Variants in SHANK2 observed in about 807,000 individuals in gnomAD.
The protein encoded by SHANK2 is SH3 and multiple ankyrin repeat domains protein 2.
In SHANK2, 43 loss-of-function variants were observed where a neutral mutation model predicts 133.7. The observed-to-expected ratio is 0.32, with a 90% CI of 0.25 to 0.41. The LOEUF is 0.41. Among genes scored for constraint, SHANK2 ranks in the 10% least tolerant of loss-of-function variants. SHANK2 has a pLI of 1.00. For missense variants in SHANK2, 1,994 were observed against 2,235.8 expected (o/e 0.89, Z 2.18); for synonymous variants, 1,017 against 952.8 (o/e 1.07, Z -1.24).
At chr11:70,649,633 G>A (rs145222488) in intron 17 of SHANK2, among the ~76,000 whole-genome samples, 1,766 of 152,204 alleles carry the variant, frequency 0.012, 14 homozygotes, top group Non-Finnish European at 0.019. Flanking sequence ...GGCAGTGGGT[G>A]TATGGGAGGG....
chr11:71,135,618 G>C (rs1287657407), intron 3 of SHANK2, among the ~76,000 whole-genome samples: 3 of 151,530 alleles, frequency 2.0e-5, no homozygotes, highest in Non-Finnish European at 4.4e-5. Context: ...ACCACACCCA[G>C]GTAATGTTTG....
At chr11:71,249,435 C>T (rs1948140647) in intron 1 of SHANK2, among the ~76,000 whole-genome samples, 2 of 152,174 alleles carry the variant, frequency 1.3e-5, no homozygotes, top group South Asian at 4.1e-4. Context: ...AGAGGCTGTG[C>T]GCGTCCATTT....
At chr11:70,627,538 C>T (rs1555000357) in intron 17 of SHANK2, among the ~76,000 whole-genome samples, 1 of 152,210 alleles carries the variant, frequency 6.6e-6, no homozygotes, top group African/African-American at 2.4e-5. Flanking sequence ...GGTCAGGTGG[C>T]TACAGCAGAA....
At chr11:70,627,565 C>T (rs1301943076) in intron 17 of SHANK2, among the ~76,000 whole-genome samples, 4 of 152,202 alleles carry the variant, frequency 2.6e-5, no homozygotes, top group African/African-American at 9.7e-5. Flanking sequence ...TTATCCTAAA[C>T]GCTTGGACTA....
intron 10 of SHANK2, among the ~76,000 whole-genome samples, chr11:70,903,839 G>A (rs142595087): frequency 7.2e-5 from 11 of 152,262 alleles, no homozygotes; most frequent in Middle Eastern, 3.4e-3. Context: ...GCAAAGCCCC[G>A]CAAAGCTGGT....
intron 1 of SHANK2, among the ~76,000 whole-genome samples, chr11:71,238,352 C>T (rs146074655): frequency 7.3e-4 from 111 of 152,324 alleles, no homozygotes; most frequent in African/African-American, 2.4e-3. Flanking sequence ...GTTGGCGGTA[C>T]GTGGATGCTT....
At chr11:70,778,088 C>T (rs891575358) in intron 14 of SHANK2, among the ~76,000 whole-genome samples, 6 of 152,174 alleles carry the variant, frequency 3.9e-5, no homozygotes, top group African/African-American at 1.4e-4. Flanking sequence ...ACATTACTGT[C>T]AATGCCAACA....
intron 11 of SHANK2, among the ~76,000 whole-genome samples, chr11:70,889,712 G>A (rs781956681): frequency 1.6e-4 from 24 of 152,214 alleles, no homozygotes; most frequent in Middle Eastern, 3.2e-3. Context: ...CATACAGGCC[G>A]CTGGGCAGCG....
chr11:70,746,605 C>T (rs1231743006), intron 14 of SHANK2, among the ~76,000 whole-genome samples: 2 of 152,172 alleles, frequency 1.3e-5, no homozygotes, highest in Non-Finnish European at 2.9e-5. Context: ...ATGCAGGGTG[C>T]CCCGTGCTCA....
intron 1 of SHANK2, among the ~76,000 whole-genome samples, chr11:71,241,870 G>A (rs557850931): frequency 2.0e-5 from 3 of 152,322 alleles, no homozygotes; most frequent in South Asian, 2.1e-4. Flanking sequence ...AAGACCAGAC[G>A]GGCCTGGGGC....
chr11:70,827,638 GTTTT>G (rs797024799), intron 11 of SHANK2, among the ~76,000 whole-genome samples: 1 of 108,216 alleles, frequency 9.2e-6, no homozygotes, highest in Non-Finnish European at 1.8e-5. Flanking sequence ...GTGTGTGTGT[GTTTT>G]TTTTTTTTTT....
chr11:70,838,059 A>G (rs2135420449), intron 11 of SHANK2, among the ~76,000 whole-genome samples: 1 of 151,886 alleles, frequency 6.6e-6, no homozygotes, highest in South Asian at 2.1e-4. Context: ...AATAAAAGGA[A>G]GGCACGTTCC....
At chr11:70,582,279 C>T (rs913926793) in intron 17 of SHANK2, among the ~76,000 whole-genome samples, 6 of 152,264 alleles carry the variant, frequency 3.9e-5, no homozygotes, top group Non-Finnish European at 7.3e-5. Flanking sequence ...TGTCCCCACA[C>T]ATCCGGGGCC....
Position 71,094,678 on chromosome 11 carries a change from CA to C in SHANK2, c.602del (p.Leu201ArgfsTer3), listed in dbSNP as rs782685777. The stretch of plus-strand genomic sequence containing the variant: ...AGTCGTCCAGCTGAGCGGCTAAGGT[CA>C]GGGGGGTCTCTGAGGAACCCAAACA... ...FHDPETGETP[L>X]TLAAQLDDSV... On this transcript the variant is annotated frameshift_variant, in exon 7 of 26. Coordinates refer to ENST00000601538, the MANE Select transcript of SHANK2 (RefSeq NM_012309.5). LOFTEE classifies it high-confidence loss of function. 1.3e-6 allele frequency: 2 copies of C among 1,551,736 alleles called. No homozygotes were observed. Among genetic ancestry groups the C allele is most frequent in the South Asian group, 1.2e-5 (1 of 84,042 alleles).
chr11:71,073,554 ACCCCCAGGG>A (rs1409799829), intron 9 of SHANK2, among the ~76,000 whole-genome samples: 1 of 147,998 alleles, frequency 6.8e-6, no homozygotes, highest in African/African-American at 2.5e-5. Context: ...GTAGCCTTAA[ACCCCCAGGG>A]CTCAAGTGAT....
At chr11:70,810,959 C>T (rs567005671) in intron 12 of SHANK2, among the ~76,000 whole-genome samples, 1 of 152,276 alleles carries the variant, frequency 6.6e-6, no homozygotes, top group African/African-American at 2.4e-5. Context: ...CATTAGGCCC[C>T]ATCAGGACTG....
chr11:70,955,590 G>C (rs1181206592), intron 10 of SHANK2, among the ~76,000 whole-genome samples: 1 of 152,104 alleles, frequency 6.6e-6, no homozygotes, highest in Non-Finnish European at 1.5e-5. Context: ...TATTTTAAGG[G>C]ATTGGTTTAA....
intron 17 of SHANK2, among the ~76,000 whole-genome samples, chr11:70,564,506 C>T (rs1554981490): frequency 2.0e-5 from 3 of 151,958 alleles, no homozygotes; most frequent in Non-Finnish European, 4.4e-5. Flanking sequence ...CTGATCTGCC[C>T]GCCTCAGCCT....
At chr11:70,784,556 C>T (rs1345870891) in intron 14 of SHANK2, among the ~76,000 whole-genome samples, 21 of 152,048 alleles carry the variant, frequency 1.4e-4, no homozygotes, top group Admixed American at 1.1e-3. Flanking sequence ...ATCTGCCCAC[C>T]TCAGCCTCCC....
Sources: gnomAD v4.1 joint callset for allele counts (sites outside exome capture counted in the v4.1 genomes callset) on GRCh38, gnomAD v4.1.1 for gene constraint, MANE v1.5 for transcripts, NCBI Gene and HGNC (gene_info 2026-07-23, HGNC 2026-07-21) for gene names.